Variants in PTCH2 observed in about 807,000 individuals in gnomAD.
PTCH2 encodes protein patched homolog 2.
PTCH2 carries 96 observed loss-of-function variants against 117.9 expected under a neutral mutation model. That is an observed-to-expected ratio of 0.81 (90% CI 0.69 to 0.96). The LOEUF is 0.96. Ranked by LOEUF, PTCH2 falls within the 50% of genes least tolerant of loss-of-function variation. The probability of loss-of-function intolerance (pLI) is 0.00; values close to 1 mark genes in which losing one functional copy is unlikely to be tolerated. For missense variants in PTCH2, 1,379 were observed against 1,562.5 expected (o/e 0.88, Z 1.98); for synonymous variants, 615 against 660.9 (o/e 0.93, Z 1.06).
chr1:44,830,526 C>A (rs546439378), intron 6 of PTCH2, among the ~76,000 whole-genome samples: 2 of 137,844 alleles, frequency 1.5e-5, no homozygotes, highest in African/African-American at 2.8e-5. Flanking sequence ...TTGCTTGAGC[C>A]GAGGTTGCAG....
Position 44,831,374 on chromosome 1 carries a change from A to C in PTCH2, c.618-331T>G, listed in dbSNP as rs1402623017. ...CAACCAGCAGGCACATGCCTGTAGC[A>C]GGTTTTCTTTCTGGCCTGGGCAATG... On this transcript the variant is annotated intron_variant, in intron 5 of 21. Coordinates refer to ENST00000372192, the MANE Select transcript of PTCH2 (RefSeq NM_003738.5). The surrounding 1 kb of genome is among the most constrained non-coding windows in gnomAD (Gnocchi z 4.3). Among the ~76,000 whole-genome samples, 1 of 152,246 alleles carries C rather than the reference A, an allele frequency of 6.6e-6. No individual in the cohort carries two copies. The highest frequency in any genetic ancestry group is 1.5e-5 in the Non-Finnish European group (1 of 68,050).
chr1:44,823,450 G>A lies in PTCH2; in HGVS notation c.3115-65C>T, dbSNP rs976611962. On this transcript the variant is annotated intron_variant, in intron 19 of 21. Transcript: ENST00000372192. This position sits in a 1 kb window ranked among gnomAD's most constrained non-coding sequence, Gnocchi z 5.1. The stretch of plus-strand genomic sequence containing the variant: ...GTCATGGCCAGCTCAGCCATGTCCC[G>A]AGCTGTATCTGTCTTCAGAGCTCAA... The A allele has an allele frequency of 5.0e-6, 8 of 1,609,098 alleles. No homozygotes were observed. The highest frequency in any genetic ancestry group is 1.7e-4 in the Middle Eastern group (1 of 6,060).
Position 44,826,191 on chromosome 1 carries a change from C to A in PTCH2, c.3114+59G>T, listed in dbSNP as rs1457899383. Reference sequence around the variant, plus strand: ...ACCTAGCACATAGTAGGGGCTTGAACAATATGTGTTGAATACTGAATCAGC... The same window carrying A: ...ACCTAGCACATAGTAGGGGCTTGAAAAATATGTGTTGAATACTGAATCAGC... On this transcript the variant is annotated intron_variant, in intron 19 of 21. Transcript: ENST00000372192. The surrounding 1 kb of genome is among the most constrained non-coding windows in gnomAD (Gnocchi z 5.1). 1 of 1,584,656 alleles carries A rather than the reference C, an allele frequency of 6.3e-7. No homozygotes were observed. Among genetic ancestry groups the A allele is most frequent in the African/African-American group, 1.3e-5 (1 of 74,264 alleles).
chr1:44,821,556 G>T (rs186402708), downstream of PTCH2, among the ~76,000 whole-genome samples: 1 of 152,168 alleles, frequency 6.6e-6, no homozygotes, highest in African/African-American at 2.4e-5. Context: ...TCCACCTGCT[G>T]CATGGCTTTG....
rs1653215847 is a variant in PTCH2 at position 44,827,515 on chromosome 1, TG to T, written c.2257del (p.Gln753AsnfsTer87). The T allele has an allele frequency of 6.2e-7, 1 of 1,614,044 alleles. No homozygotes were observed. Reference protein sequence around the residue: ...TQGGFDYAHSQRALFDLHQRF... With the variant: ...TQGGFDYAHSXRALFDLHQRF... ...CTGGTGCAGATCAAAGAGGGCGCGTTGGGAGTGGGCGTAGTCAAAGCCACCC... is the reference window on the plus strand; with the variant it reads ...CTGGTGCAGATCAAAGAGGGCGCGTTGGAGTGGGCGTAGTCAAAGCCACCC... On this transcript the variant is annotated frameshift_variant, in exon 15 of 22. Transcript: ENST00000372192. LOFTEE classifies it high-confidence loss of function.
chr1:44,833,044 G>C (rs1332832730), intron 2 of PTCH2, among the ~76,000 whole-genome samples: 3 of 152,172 alleles, frequency 2.0e-5, no homozygotes, highest in African/African-American at 4.8e-5. Flanking sequence ...TGAAATCAAA[G>C]TGGGCCAAGG....
downstream of PTCH2, among the ~76,000 whole-genome samples, chr1:44,821,445 T>A (rs1170731099): frequency 6.6e-6 from 1 of 152,218 alleles, no homozygotes; most frequent in Non-Finnish European, 1.5e-5. Context: ...GGAACCTGGC[T>A]CCTTTCCCTG....
rs368918674 is a variant in PTCH2, at chr1:44,831,912, G to C, written c.525+63C>G. Reference sequence around the variant, plus strand: ...AGATTGCAGGCTGTGGGGCTTGCTCGGTCTCTGAGTCCTCCCACGCTACAG... The same window carrying C: ...AGATTGCAGGCTGTGGGGCTTGCTCCGTCTCTGAGTCCTCCCACGCTACAG... On this transcript the variant is annotated intron_variant, in intron 4 of 21. Transcript: ENST00000372192. The surrounding 1 kb of genome is among the most constrained non-coding windows in gnomAD (Gnocchi z 4.3). 4 of 1,571,738 alleles carry C rather than the reference G, an allele frequency of 2.5e-6. No individual in the cohort carries two copies. The highest frequency in any genetic ancestry group is 1.7e-5 in the Admixed American group (1 of 59,932).
Position 44,831,686 on chromosome 1 carries a change from GCC to G in PTCH2, c.617+18_617+19del. The G allele has an allele frequency of 6.5e-7, 1 of 1,543,578 alleles. No homozygotes were observed. Among genetic ancestry groups the G allele is most frequent in the Non-Finnish European group, 8.8e-7 (1 of 1,138,878 alleles). On this transcript the variant is annotated intron_variant, in intron 5 of 21. Transcript: ENST00000372192. This position sits in a 1 kb window ranked among gnomAD's most constrained non-coding sequence, Gnocchi z 4.3. ...AGTCCCCAGCGGGAGATGAAGCAGG[GCC>G]CCAGGAGTGGCACTCACGGCAGGTA...
rs781171287 is a variant in PTCH2, at chr1:44,829,227, GCCACC to G, written c.1296_1300del (p.Val433ProfsTer36). On this transcript the variant is annotated frameshift_variant, in exon 10 of 22. Transcript: ENST00000372192. LOFTEE classifies it high-confidence loss of function. ...CCCAAGGCCTGAGGCCACCGCCAGG[GCCACC>G]AGCAGTACCCCGGCAAGGCCCACGG... 6.2e-6 allele frequency: 10 copies of G among 1,613,438 alleles called. No individual in the cohort carries two copies. The highest frequency in any genetic ancestry group is 2.2e-5 in the South Asian group (2 of 91,088).
chr1:44,843,186 G>GAAT lies in PTCH2; in HGVS notation c.-257_-255dup, dbSNP rs1640207986. 2.1e-5 allele frequency: 26 copies of GAAT among 1,234,970 alleles called. No homozygotes were observed. The highest frequency in any genetic ancestry group is 2.4e-5 in the Non-Finnish European group (24 of 986,798). The allele number at this position is 1,234,970 out of a possible 1,614,324, so 76.5% of individuals were successfully genotyped here. On this transcript the variant is annotated 5_prime_UTR_variant, in exon 1 of 22. Transcript: ENST00000372192. ...CCGTGGGCCGCGGCGGCTGGAGGAG[G>GAAT]AATGGGTCCCGCGCGCAGGCGGAAT... is the stretch of plus-strand genomic sequence containing the variant.
At chr1:44,820,666 G>C (rs1231891204), downstream of PTCH2, 1 of 716,812 alleles carries the variant, frequency 1.4e-6, no homozygotes, top group Admixed American at 2.0e-5. Flanking sequence ...CTGATGAGGG[G>C]GTGCTGGGGT....
chr1:44,831,812 C>T lies in PTCH2; in HGVS notation c.526-15G>A, dbSNP rs777158837. 2 of 1,611,088 alleles carry T rather than the reference C, an allele frequency of 1.2e-6. No homozygotes were observed. The highest frequency in any genetic ancestry group is 1.7e-6 in the Non-Finnish European group (2 of 1,178,336). ...TTCTCAATCATCTGCCAGGGATACC[C>T]CGGGCCACGTCAGTCCTGCCCCACA... On this transcript the variant is annotated splice_polypyrimidine_tract_variant and intron_variant, in intron 4 of 21. Transcript: ENST00000372192. The surrounding 1 kb of genome is among the most constrained non-coding windows in gnomAD (Gnocchi z 4.3).
intron 2 of PTCH2, among the ~76,000 whole-genome samples, chr1:44,836,003 T>C (rs1285789236): frequency 3.9e-5 from 6 of 152,184 alleles, no homozygotes; most frequent in Admixed American, 3.3e-4. Flanking sequence ...AGAAGGGGAC[T>C]GACTTGGCCA....
In PTCH2 at chr1:44,823,339, G is replaced by A. The variant is rs1208262825; in HGVS notation, c.3161C>T (p.Ala1054Val). Residue 1054 changes from alanine to valine, a missense_variant, in exon 20 of 22, where the codon GCC becomes GTC. Coordinates refer to ENST00000372192, the MANE Select transcript of PTCH2 (RefSeq NM_003738.5). The surrounding 1 kb of genome is among the most constrained non-coding windows in gnomAD (Gnocchi z 5.1). ...QGSRNLRAAH[A>V]LEHTFAPVTD... ...CACGGGGGCAAATGTGTGCTCAAGG[G>A]CATGGGCGGCCCGCAGGTTCCGGCT... 1.2e-6 allele frequency: 2 copies of A among 1,614,220 alleles called. No homozygotes were observed. The highest frequency in any genetic ancestry group is 2.2e-5 in the East Asian group (1 of 44,878).
In PTCH2 at chr1:44,829,506, C is replaced by T. The variant is rs201191113; in HGVS notation, c.1111G>A (p.Ala371Thr). The part of the protein sequence containing the change: ...QLAQEALPEN[A>T]SQQIHAFSST... ...GAGAAGGCATGGATCTGCTGGGAAG[C>T]GTTCTCAGGCAGGGCCTCCTGGGCC... is the stretch of plus-strand genomic sequence containing the variant. The change falls in exon 9 of 22, where the codon GCT (alanine) becomes ACT (threonine). Residue 371 changes from alanine (A) to threonine (T), a missense_variant. Transcript: ENST00000372192. 1.4e-5 allele frequency: 22 copies of T among 1,614,170 alleles called. No homozygotes were observed. The East Asian group carries it at 2.2e-4, about 16-fold the overall frequency.
rs1331412390 is a variant in PTCH2, at chr1:44,822,115, C to G, written c.*300G>C. ...GACGGAAGGGTGCTGGAGGGTCCCT[C>G]AGGCTTGGTCAGCTGGGCAGGCAGT... is the stretch of plus-strand genomic sequence containing the variant. On this transcript the variant is annotated 3_prime_UTR_variant, in exon 22 of 22. Transcript: ENST00000372192. 7.2e-7 allele frequency: 1 copy of G among 1,391,824 alleles called. No individual in the cohort carries two copies. Among genetic ancestry groups the G allele is most frequent in the Non-Finnish European group, 9.3e-7 (1 of 1,073,482 alleles). The allele number at this position is 1,391,824 out of a possible 1,614,324, so 86.2% of individuals were successfully genotyped here.
chr1:44,822,790 G>T, intron 21 of PTCH2, 121 bp from the exon 22 acceptor site: 1 of 1,096,286 alleles, frequency 9.1e-7, no homozygotes, highest in Non-Finnish European at 1.4e-6. Context: ...TCTCCAGCAG[G>T]ATATGAGAGC....
Position 44,826,691 on chromosome 1 carries a change from C to T in PTCH2, c.2773G>A (p.Glu925Lys), listed in dbSNP as rs754272399. Residue 925 changes from glutamate (E) to lysine (K), a missense_variant, in exon 18 of 22, where the codon GAG becomes AAG. Physicochemically the swap from Glu to Lys is moderately conservative, Grantham distance 56. Coordinates refer to ENST00000372192, the MANE Select transcript of PTCH2 (RefSeq NM_003738.5). This position sits in a 1 kb window ranked among gnomAD's most constrained non-coding sequence, Gnocchi z 5.1. ...RGLQKTADFVEAIEGARAACA... is the reference protein window; with the variant it reads ...RGLQKTADFVKAIEGARAACA... Reference sequence around the variant, plus strand: ...GCTGCCCGGGCCCCCTCGATGGCCTCCACAAAGTCTGCAGTCTTCTGGAGG... The same window carrying T: ...GCTGCCCGGGCCCCCTCGATGGCCTTCACAAAGTCTGCAGTCTTCTGGAGG... The T allele has an allele frequency of 2.5e-6, 4 of 1,606,080 alleles. 1 individual carries two copies. The South Asian group carries it at 3.3e-5, about 13-fold the overall frequency.
Sources: gnomAD v4.1 joint callset for allele counts (sites outside exome capture counted in the v4.1 genomes callset) on GRCh38, gnomAD v4.1.1 for gene constraint, Gnocchi (gnomAD v3.1) non-coding constraint, MANE v1.5 for transcripts, NCBI Gene and HGNC (gene_info 2026-07-23, HGNC 2026-07-21) for gene names.